The following GNA12 variants were observed in gnomAD, a reference collection of about 807,000 sequenced individuals.
GNA12 encodes guanine nucleotide-binding protein subunit alpha-12.
In GNA12, 9 loss-of-function variants were observed where a neutral mutation model predicts 26.0. The ratio of observed to expected loss-of-function variants is 0.35; its 90% confidence interval spans 0.21 to 0.60. GNA12 has a LOEUF of 0.60. Ranked by LOEUF, GNA12 falls within the 20% of genes least tolerant of loss-of-function variation. The probability of loss-of-function intolerance (pLI) is 0.78; values close to 1 mark genes in which losing one functional copy is unlikely to be tolerated. For missense variants in GNA12, 405 were observed against 525.8 expected (o/e 0.77, Z 2.25); for synonymous variants, 264 against 219.6 (o/e 1.20, Z -1.79).
chr7:2,752,241 G>T (rs1431958149), intron 2 of GNA12, among the ~76,000 whole-genome samples: 1 of 151,780 alleles, frequency 6.6e-6, no homozygotes, highest in Non-Finnish European at 1.5e-5. Context: ...ACATGCTCAG[G>T]GCTTAAAAAA....
At chr7:2,798,993 TA>T (rs1267136021) in intron 1 of GNA12, among the ~76,000 whole-genome samples, 2 of 152,190 alleles carry the variant, frequency 1.3e-5, no homozygotes, top group African/African-American at 4.8e-5. Context: ...AACCTTGACC[TA>T]AACCTCACAG....
chr7:2,754,595 A>T (rs1583241241), intron 2 of GNA12, among the ~76,000 whole-genome samples: 1 of 152,024 alleles, frequency 6.6e-6, no homozygotes, highest in East Asian at 1.9e-4. Flanking sequence ...AAAAAAAAAA[A>T]AAATTAGCCA....
At chr7:2,792,964 C>T (rs1321009136) in intron 2 of GNA12, among the ~76,000 whole-genome samples, 5 of 152,178 alleles carry the variant, frequency 3.3e-5, no homozygotes, top group Non-Finnish European at 7.3e-5. Flanking sequence ...CCAACAGTGC[C>T]TCAACCAAGC....
At position 2,731,692 on chromosome 7, in the gene GNA12, A is replaced by G; in HGVS notation, c.635T>C (p.Val212Ala). ...CTTCTTAATAACGAAGTCATGCTCC[A>G]CAATTCCCTTGGTGGCTTTCCTAGC... ...LLARKATKGI[V>A]EHDFVIKKIP... Residue 212 changes from valine to alanine, a missense_variant, in exon 4 of 4, where the codon GTG (valine) becomes GCG (alanine). Val to Ala is a moderately conservative substitution (Grantham distance 64). Transcript: ENST00000275364. This position sits in a 1 kb window ranked among gnomAD's most constrained non-coding sequence, Gnocchi z 6.0. 1 of 1,598,418 alleles carries G rather than the reference A, an allele frequency of 6.3e-7. No individual in the cohort carries two copies. The highest frequency in any genetic ancestry group is 8.5e-7 in the Non-Finnish European group (1 of 1,170,456).
intron 1 of GNA12, among the ~76,000 whole-genome samples, chr7:2,815,801 C>T (rs1368658613): frequency 6.6e-6 from 1 of 152,230 alleles, no homozygotes; most frequent in East Asian, 1.9e-4. Flanking sequence ...CCGTCTGTGT[C>T]TTAGCACACC....
chr7:2,775,183 T>C (rs986623663), intron 2 of GNA12: 22 of 152,230 alleles, frequency 1.4e-4, no homozygotes, highest in African/African-American at 5.3e-4. Context: ...CTAGCTCTCC[T>C]TTCTGTAGGC....
intron 1 of GNA12, among the ~76,000 whole-genome samples, chr7:2,837,395 G>A (rs932927966): frequency 6.6e-6 from 1 of 152,236 alleles, no homozygotes; most frequent in African/African-American, 2.4e-5. Flanking sequence ...CCCAGAAGGA[G>A]ATGAGAGAGA....
intron 2 of GNA12, among the ~76,000 whole-genome samples, chr7:2,775,026 A>C (rs1456811136): frequency 6.6e-6 from 1 of 152,180 alleles, no homozygotes; most frequent in African/African-American, 2.4e-5. Context: ...GAGTTAAACA[A>C]TTTGGACTTT....
chr7:2,804,404 C>T (rs550699101), intron 1 of GNA12, among the ~76,000 whole-genome samples: 14 of 152,278 alleles, frequency 9.2e-5, no homozygotes, highest in Middle Eastern at 3.4e-3. Context: ...TAAACACACA[C>T]GCGTGTACAT....
In GNA12 at chr7:2,780,054, A is replaced by ATG. The variant is rs1562424132; in HGVS notation, c.525+14873_525+14874insCA. Among the ~76,000 whole-genome samples the ATG allele has an allele frequency of 2.4e-3, 72 of 29,744 alleles. 4 individuals carry two copies. The highest frequency in any genetic ancestry group is 6.5e-3 in the South Asian group (7 of 1,072). The allele number at this position is 29,744 out of a possible 152,430, so 19.5% of individuals were successfully genotyped here. ...GTTTTTTACACATTTCTGTGTACAT[A>ATG]TATATATATATATATATATATATAT... On this transcript the variant is annotated intron_variant, in intron 2 of 3. Transcript: ENST00000275364.
intron 1 of GNA12, among the ~76,000 whole-genome samples, chr7:2,824,987 G>A (rs1229841059): frequency 6.6e-6 from 1 of 152,176 alleles, no homozygotes; most frequent in East Asian, 1.9e-4. Flanking sequence ...CCGTGAGGGT[G>A]AGGTCTGCAC....
intron 2 of GNA12, 164 bp downstream of exon 2, chr7:2,794,764 A>T (rs994595795): frequency 1.6e-6 from 1 of 620,684 alleles, no homozygotes; most frequent in African/African-American, 1.8e-5. Flanking sequence ...TTTATATAGC[A>T]TCTGCCTCCA....
intron 2 of GNA12, among the ~76,000 whole-genome samples, chr7:2,783,671 T>TTTAG (rs1792288464): frequency 1.3e-5 from 2 of 148,536 alleles, no homozygotes; most frequent in Admixed American, 6.7e-5. Flanking sequence ...TATTTATTTA[T>TTTAG]TTATTTATTT....
At chr7:2,804,742 A>G (rs1348889061) in intron 1 of GNA12, among the ~76,000 whole-genome samples, 1 of 151,982 alleles carries the variant, frequency 6.6e-6, no homozygotes, top group African/African-American at 2.4e-5. Flanking sequence ...CAGAGCTACC[A>G]CTCAACATTT....
At chr7:2,790,397 C>T (rs75205421) in intron 2 of GNA12, among the ~76,000 whole-genome samples, 9,589 of 152,176 alleles carry the variant, frequency 0.063, 321 homozygotes, top group Middle Eastern at 0.088. Context: ...ACTACAGGCG[C>T]GCAACACCTT....
chr7:2,814,087 C>T (rs1051893208), intron 1 of GNA12, among the ~76,000 whole-genome samples: 4 of 152,164 alleles, frequency 2.6e-5, no homozygotes, highest in Non-Finnish European at 5.9e-5. Context: ...GGTTCTCAGG[C>T]CTTCGGACAT....
intron 2 of GNA12, among the ~76,000 whole-genome samples, chr7:2,778,736 G>C (rs1792140939): frequency 6.6e-6 from 1 of 152,182 alleles, no homozygotes; most frequent in African/African-American, 2.4e-5. Context: ...CAGTCTAAAA[G>C]GAGGGTATTA....
intron 2 of GNA12, among the ~76,000 whole-genome samples, chr7:2,755,508 A>G (rs1002844790): frequency 1.3e-5 from 2 of 152,202 alleles, no homozygotes; most frequent in African/African-American, 4.8e-5. Context: ...ATGACTGTTA[A>G]TGGTGTTGCA....
intron 1 of GNA12, among the ~76,000 whole-genome samples, chr7:2,827,087 A>G (rs1410836139): frequency 2.6e-5 from 4 of 152,362 alleles, no homozygotes; most frequent in Admixed American, 2.6e-4. Context: ...CCTAAAATTA[A>G]GTGATAAAGT....
Sources: allele counts gnomAD v4.1 joint callset (sites outside exome capture counted in the v4.1 genomes callset), GRCh38; gene constraint gnomAD v4.1.1; non-coding constraint Gnocchi (gnomAD v3.1); transcripts MANE v1.5; gene names NCBI Gene and HGNC (gene_info 2026-07-23, HGNC 2026-07-21).